Variants in ATOSA observed in about 807,000 individuals in gnomAD.
ATOSA encodes the protein atos homolog A.
At chr15:52,670,211 T>C in the ATOSA span, among the ~76,000 whole-genome samples, 1,053 of 152,326 alleles carry the variant, frequency 6.9e-3, 9 homozygotes, top group Middle Eastern at 0.017. Flanking sequence ...TCCAACCAGT[T>C]TTCAAAACGG....
the ATOSA span, among the ~76,000 whole-genome samples, chr15:52,708,064 T>C: frequency 5.3e-5 from 8 of 152,210 alleles, no homozygotes; most frequent in East Asian, 1.5e-3. Flanking sequence ...AGAGTAAAGT[T>C]ACCCGGGGAA....
At chr15:52,619,352 AT>A in the ATOSA span, among the ~76,000 whole-genome samples, 2 of 152,174 alleles carry the variant, frequency 1.3e-5, no homozygotes, top group Admixed American at 1.3e-4. Context: ...AATATGACTA[AT>A]TTTTGGGAAA....
At chr15:52,666,977 T>A in the ATOSA span, among the ~76,000 whole-genome samples, 2 of 151,380 alleles carry the variant, frequency 1.3e-5, no homozygotes, top group Admixed American at 6.6e-5. Context: ...GCCAGGAGAC[T>A]TATATTCTGA....
the ATOSA span, chr15:52,609,772 A>C: frequency 6.2e-7 from 1 of 1,613,614 alleles, no homozygotes; most frequent in Non-Finnish European, 8.5e-7. Flanking sequence ...ACAATGAATC[A>C]AATGTTGGGC....
the ATOSA span, among the ~76,000 whole-genome samples, chr15:52,617,242 C>T: frequency 1.3e-5 from 2 of 152,230 alleles, no homozygotes; most frequent in East Asian, 1.9e-4. Context: ...TGCTTTCCCC[C>T]ACCTCCCCCA....
the ATOSA span, among the ~76,000 whole-genome samples, chr15:52,663,022 G>T: frequency 6.6e-6 from 1 of 152,138 alleles, no homozygotes; most frequent in Admixed American, 6.5e-5. Flanking sequence ...ACTAGCAAAT[G>T]AATGAGGCTC....
At chr15:52,636,311 G>A in the ATOSA span, among the ~76,000 whole-genome samples, 2 of 152,002 alleles carry the variant, frequency 1.3e-5, no homozygotes, top group Non-Finnish European at 1.5e-5. Context: ...AACAGTCATT[G>A]CACCACCCTT....
chr15:52,687,567 G>T, the ATOSA span, among the ~76,000 whole-genome samples: 1 of 152,228 alleles, frequency 6.6e-6, no homozygotes. Flanking sequence ...GGAGAATAAA[G>T]ACTGAGGTTA....
the ATOSA span, among the ~76,000 whole-genome samples, chr15:52,599,066 T>C: frequency 6.6e-6 from 1 of 152,264 alleles, no homozygotes; most frequent in Admixed American, 6.5e-5. Flanking sequence ...TGTGAGCCAA[T>C]TAAACCTCTT....
At chr15:52,675,094 C>T in the ATOSA span, among the ~76,000 whole-genome samples, 1 of 152,108 alleles carries the variant, frequency 6.6e-6, no homozygotes, top group Non-Finnish European at 1.5e-5. Context: ...CTGCTAATGA[C>T]AACATCTAAG....
the ATOSA span, chr15:52,648,751 A>G: frequency 2.0e-5 from 3 of 152,232 alleles, no homozygotes; most frequent in East Asian, 3.9e-4. Flanking sequence ...CAGGAAGCTT[A>G]TAGCAAAATC....
the ATOSA span, chr15:52,608,429 T>C: frequency 4.6e-4 from 343 of 743,098 alleles, no homozygotes; most frequent in Non-Finnish European, 6.6e-4. Flanking sequence ...ATACTAGTTC[T>C]GTAGGTTTAT....
At chr15:52,605,001 AAAAT>A in the ATOSA span, 188 of 642,536 alleles carry the variant, frequency 2.9e-4, 1 homozygote, top group African/African-American at 3.3e-3. Flanking sequence ...GTGTTATCAA[AAAAT>A]AAAATGTTTC....
the ATOSA span, among the ~76,000 whole-genome samples, chr15:52,599,214 AAGG>A: frequency 1.3e-5 from 2 of 152,220 alleles, no homozygotes; most frequent in Non-Finnish European, 2.9e-5. Context: ...CATGTCTCAA[AAGG>A]AGCAAGAAAA....
chr15:52,685,409 C>G, the ATOSA span, among the ~76,000 whole-genome samples: 3 of 106,730 alleles, frequency 2.8e-5, no homozygotes, highest in African/African-American at 1.1e-4. Context: ...AGGCTAGATT[C>G]AGTAGAGTTT....
chr15:52,683,233 G>A, the ATOSA span, among the ~76,000 whole-genome samples: 1 of 152,026 alleles, frequency 6.6e-6, no homozygotes, highest in Non-Finnish European at 1.5e-5. Context: ...ATCCAAAGAG[G>A]GTGATAACTA....
the ATOSA span, among the ~76,000 whole-genome samples, chr15:52,590,411 A>G: frequency 7.2e-5 from 11 of 152,222 alleles, no homozygotes; most frequent in Admixed American, 3.9e-4. Flanking sequence ...TCCCAACCGG[A>G]GAATAATATT....
At chr15:52,628,091 G>T in the ATOSA span, among the ~76,000 whole-genome samples, 2 of 152,114 alleles carry the variant, frequency 1.3e-5, no homozygotes, top group Non-Finnish European at 2.9e-5. Flanking sequence ...AGACATGTGG[G>T]AATTTGGAAT....
chr15:52,666,950 G>C, the ATOSA span, among the ~76,000 whole-genome samples: 2 of 149,736 alleles, frequency 1.3e-5, no homozygotes, highest in African/African-American at 2.5e-5. Flanking sequence ...AGAAAGCCAA[G>C]TTAAAAAAAA....
Sources: allele counts gnomAD v4.1 joint callset (sites outside exome capture counted in the v4.1 genomes callset), GRCh38; gene constraint gnomAD v4.1.1; transcripts MANE v1.5; gene names NCBI Gene and HGNC (gene_info 2026-07-23, HGNC 2026-07-21).